Variants in SH3D19 observed in about 807,000 individuals in gnomAD.
The protein encoded by SH3D19 is SH3 domain containing 19.
A neutral mutation model predicts 112.1 loss-of-function variants in SH3D19; 58 were observed. That is an observed-to-expected ratio of 0.52 (90% confidence interval 0.42 to 0.64). The LOEUF (loss-of-function observed/expected upper bound fraction) is 0.64. SH3D19 is among the 30% of genes least tolerant of loss of function. The probability of loss-of-function intolerance (pLI) is 0.00; values close to 1 mark genes in which losing one functional copy is unlikely to be tolerated. For synonymous variants in SH3D19, 391 were observed against 448.5 expected, an observed-to-expected ratio of 0.87 and a Z score of 1.62; for missense variants, 1,090 against 1,263.4, an observed-to-expected ratio of 0.86 and a Z score of 2.08.
chr4:151,176,465 G>T, intron 6 of SH3D19, 69 bp downstream of exon 6: 2 of 1,185,460 alleles, frequency 1.7e-6, no homozygotes, highest in Non-Finnish European at 2.1e-6. Flanking sequence ...TTATTTTAAA[G>T]GCTGGAAGCC....
At chr4:151,302,167 C>T (rs537112436) in intron 1 of SH3D19, among the ~76,000 whole-genome samples, 10 of 152,244 alleles carry the variant, frequency 6.6e-5, no homozygotes, top group East Asian at 3.9e-4. Context: ...TTCTGAGCAT[C>T]GTTATAAACA....
intron 13 of SH3D19, 58 bp downstream of exon 13, chr4:151,139,717 G>A: frequency 6.6e-7 from 1 of 1,518,216 alleles, no homozygotes; most frequent in Non-Finnish European, 9.1e-7. Context: ...CCCCCGGCAG[G>A]GAAAAAGACT....
At chr4:151,208,375 T>C (rs1765413494) in intron 2 of SH3D19, among the ~76,000 whole-genome samples, 1 of 152,152 alleles carries the variant, frequency 6.6e-6, no homozygotes, top group Non-Finnish European at 1.5e-5. Context: ...TCTTTATCTC[T>C]CTCTTTTTTT....
intron 1 of SH3D19, among the ~76,000 whole-genome samples, chr4:151,234,514 C>T (rs576158091): frequency 6.6e-6 from 1 of 152,178 alleles, no homozygotes; most frequent in African/African-American, 2.4e-5. Context: ...GGTCATCAAC[C>T]CTTCCTGCTG....
chr4:151,133,315 T>C, intron 15 of SH3D19, 79 bp from the exon 16 acceptor site: 4 of 1,164,126 alleles, frequency 3.4e-6, no homozygotes, highest in Non-Finnish European at 5.0e-6. Flanking sequence ...AGTCTTTCAA[T>C]AAATATTTAT....
chr4:151,223,772 T>C (rs1184130777), intron 2 of SH3D19, among the ~76,000 whole-genome samples: 1 of 152,202 alleles, frequency 6.6e-6, no homozygotes, highest in Non-Finnish European at 1.5e-5. Flanking sequence ...CTGTCCCAAC[T>C]CAGCTGCTAT....
At chr4:151,149,114 TC>T (rs1221617585) in intron 10 of SH3D19, among the ~76,000 whole-genome samples, 3 of 152,092 alleles carry the variant, frequency 2.0e-5, no homozygotes, top group Non-Finnish European at 2.9e-5. Context: ...TTTGAATAGC[TC>T]CGGAACTCAG....
intron 1 of SH3D19, among the ~76,000 whole-genome samples, chr4:151,322,431 T>TAAAAA (rs57301959): frequency 2.6e-5 from 1 of 38,412 alleles, no homozygotes; most frequent in Non-Finnish European, 5.3e-5. Context: ...AGACTCTGCC[T>TAAAAA]AAAAAAAAAA....
intron 3 of SH3D19, among the ~76,000 whole-genome samples, chr4:151,183,958 C>A (rs372216129): frequency 1.3e-5 from 2 of 152,274 alleles, no homozygotes; most frequent in South Asian, 4.1e-4. Context: ...ACACCTACCA[C>A]GCACAGTGTT....
At chr4:151,167,784 G>A (rs1758333215) in intron 7 of SH3D19, among the ~76,000 whole-genome samples, 1 of 151,634 alleles carries the variant, frequency 6.6e-6, no homozygotes, top group East Asian at 1.9e-4. Context: ...TCTGGGAAGT[G>A]AGGAGCGCCT....
chr4:151,156,346 A>G (rs776257520), intron 9 of SH3D19, among the ~76,000 whole-genome samples: 23 of 152,340 alleles, frequency 1.5e-4, no homozygotes, highest in Non-Finnish European at 7.3e-5. Flanking sequence ...ACGGAACCGC[A>G]AAAGGCCCCG....
At chr4:151,229,649 A>C (rs1319913271) in intron 1 of SH3D19, among the ~76,000 whole-genome samples, 1 of 152,210 alleles carries the variant, frequency 6.6e-6, no homozygotes, top group Non-Finnish European at 1.5e-5. Flanking sequence ...GCAGTGGTTC[A>C]CACCTGTAAT....
chr4:151,302,719 T>C (rs1198539617), intron 1 of SH3D19, among the ~76,000 whole-genome samples: 1 of 152,162 alleles, frequency 6.6e-6, no homozygotes, highest in Non-Finnish European at 1.5e-5. Context: ...TCTGAGAGAT[T>C]AAATCAAGGT....
intron 2 of SH3D19, among the ~76,000 whole-genome samples, chr4:151,189,861 G>T (rs1173249641): frequency 3.3e-5 from 5 of 152,142 alleles, no homozygotes; most frequent in Non-Finnish European, 7.4e-5. Context: ...ATGTGGAAGC[G>T]ACTTTGGAAC....
intron 15 of SH3D19, among the ~76,000 whole-genome samples, chr4:151,133,461 G>T (rs1270172279): frequency 6.6e-6 from 1 of 152,110 alleles, no homozygotes. Flanking sequence ...CGGAGTGCAC[G>T]CAGCTGGGTG....
At chr4:151,138,528 G>A (rs1397694789) in intron 13 of SH3D19, among the ~76,000 whole-genome samples, 1 of 151,676 alleles carries the variant, frequency 6.6e-6, no homozygotes, top group Admixed American at 6.6e-5. Context: ...GCGAGACCAT[G>A]TCCCTAGGAA....
intron 8 of SH3D19, among the ~76,000 whole-genome samples, chr4:151,162,182 A>G (rs1441971671): frequency 5.9e-5 from 8 of 136,408 alleles, no homozygotes; most frequent in African/African-American, 1.7e-4. Flanking sequence ...CCGGTGTGTG[A>G]TATTCTCCTC....
At chr4:151,255,263 T>C in intron 1 of SH3D19, among the ~76,000 whole-genome samples, 1 of 144,316 alleles carries the variant, frequency 6.9e-6, no homozygotes. Context: ...GCTCCTCACT[T>C]CTCAGACGGG....
chr4:151,255,910 G>A (rs1172740161), intron 1 of SH3D19, among the ~76,000 whole-genome samples: 1 of 152,136 alleles, frequency 6.6e-6, no homozygotes, highest in Non-Finnish European at 1.5e-5. Flanking sequence ...CAGGCATTCG[G>A]CAGGCTGTCA....
Sources: allele counts gnomAD v4.1 joint callset (sites outside exome capture counted in the v4.1 genomes callset), GRCh38; gene constraint gnomAD v4.1.1; transcripts MANE v1.5; gene names NCBI Gene and HGNC (gene_info 2026-07-23, HGNC 2026-07-21).